SEMA3D: variants seen among roughly 807,000 people sequenced by gnomAD.
SEMA3D encodes the protein semaphorin-3D.
Under a neutral mutation model 100.1 loss-of-function variants are expected in SEMA3D, and 84 were observed. The ratio of observed to expected loss-of-function variants is 0.84; its 90% CI spans 0.70 to 1.01. The LOEUF (loss-of-function observed/expected upper bound fraction) is 1.01. Ranked by LOEUF, SEMA3D falls within the 50% of genes least tolerant of loss-of-function variation. The probability of loss-of-function intolerance (pLI) is 0.00; values close to 1 mark genes in which losing one functional copy is unlikely to be tolerated. For missense variants in SEMA3D, 875 were observed against 934.1 expected (o/e 0.94, Z 0.82); for synonymous variants, 312 against 320.7 (o/e 0.97, Z 0.29).
At chr7:85,150,667 C>T (rs1161782038) in intron 2 of SEMA3D, among the ~76,000 whole-genome samples, 1 of 151,696 alleles carries the variant, frequency 6.6e-6, no homozygotes, top group East Asian at 1.9e-4. Context: ...CTCCTTTACT[C>T]TTCAGTATCT....
At chr7:85,125,490 T>G (rs1789541997) in intron 2 of SEMA3D, among the ~76,000 whole-genome samples, 1 of 152,094 alleles carries the variant, frequency 6.6e-6, no homozygotes, top group African/African-American at 2.4e-5. Context: ...AAGTTAAAAA[T>G]CAAAGCCCTG....
rs762600039 is a variant in SEMA3D, at chr7:84,999,627, T to C, written c.2147A>G (p.Tyr716Cys). The C allele has an allele frequency of 1.5e-5, 25 of 1,613,988 alleles. No homozygotes were observed. The highest frequency in any genetic ancestry group is 1.3e-4 in the Admixed American group (8 of 59,952). ...GTTTGGGCTGCTAAGGATTTGGATG[T>C]AGTCTTTGTATCTCAACCGTGACTC... ...LAESRLRYKD[Y>C]IQILSSPNFS... The change falls in exon 19 of 19, where the codon TAC (tyrosine) becomes TGC (cysteine). Residue 716 changes from tyrosine (Y) to cysteine (C), a missense_variant. Tyr to Cys is a radical substitution (Grantham distance 194). Coordinates refer to ENST00000284136, the MANE Select transcript of SEMA3D (RefSeq NM_001384900.1).
At chr7:85,207,838 T>C in the SEMA3D span, among the ~76,000 whole-genome samples, 1 of 152,178 alleles carries the variant, frequency 6.6e-6, no homozygotes, top group South Asian at 2.1e-4. Flanking sequence ...CTTCAAGTTA[T>C]AGAGCTTACA....
At chr7:85,033,455 C>T (rs1790601081) in intron 12 of SEMA3D, among the ~76,000 whole-genome samples, 1 of 152,076 alleles carries the variant, frequency 6.6e-6, no homozygotes. Flanking sequence ...CGGTGACAAC[C>T]ACCACTTGTA....
chr7:85,184,408 T>A (rs985119982), intron 1 of SEMA3D, among the ~76,000 whole-genome samples: 1 of 150,948 alleles, frequency 6.6e-6, no homozygotes, highest in Non-Finnish European at 1.5e-5. Context: ...AGCAATACAA[T>A]TTTTTTTTAA....
upstream of SEMA3D, among the ~76,000 whole-genome samples, chr7:85,189,808 A>G (rs552262401): frequency 1.9e-4 from 29 of 152,320 alleles, no homozygotes; most frequent in African/African-American, 6.7e-4. Flanking sequence ...CAAATATAAT[A>G]TGAGTAAGTA....
At chr7:85,151,286 C>T (rs1790377201) in intron 2 of SEMA3D, among the ~76,000 whole-genome samples, 2 of 151,964 alleles carry the variant, frequency 1.3e-5, no homozygotes, top group African/African-American at 4.8e-5. Context: ...CTTGTATAGT[C>T]TGTCCTCATT....
chr7:85,014,922 T>G, intron 16 of SEMA3D, 137 bp downstream of exon 16: 1 of 570,858 alleles, frequency 1.8e-6, no homozygotes, highest in Non-Finnish European at 2.8e-6. Flanking sequence ...AAAACAACAT[T>G]TTGATTTTAA....
chr7:85,184,618 T>C (rs778524269), intron 1 of SEMA3D, among the ~76,000 whole-genome samples: 7 of 152,210 alleles, frequency 4.6e-5, no homozygotes, highest in Non-Finnish European at 1.0e-4. Context: ...TTGATAAATG[T>C]TTCTTCCCTT....
At position 85,068,352 on chromosome 7, in the gene SEMA3D, T is replaced by C. The variant is rs1188481050; in HGVS notation, c.496-68A>G. On this transcript the variant is annotated intron_variant, in intron 6 of 18. Transcript: ENST00000284136. ...TTACAAACAGTAAGAATGTGGGAGATACAAACTAAATTCCAACTCATGAAT... is the reference window on the plus strand; with the variant it reads ...TTACAAACAGTAAGAATGTGGGAGACACAAACTAAATTCCAACTCATGAAT... 9.5e-6 allele frequency: 8 copies of C among 839,938 alleles called. No individual in the cohort carries two copies. The East Asian group carries it at 2.0e-4, about 21-fold the overall frequency. 52.0% of individuals were successfully genotyped at this position (839,938 alleles called of 1,614,324 possible).
rs1213766425 is a variant in SEMA3D at position 84,998,738 on chromosome 7, T to A, written c.*702A>T. ...TTCTGTCCCTGTAGAGCTTAGTATA[T>A]ACTCTAAAAAACACATAACTAAGCA... is the stretch of plus-strand genomic sequence containing the variant. On this transcript the variant is annotated 3_prime_UTR_variant, in exon 19 of 19. Coordinates refer to ENST00000284136, the MANE Select transcript of SEMA3D (RefSeq NM_001384900.1). The A allele has an allele frequency of 6.6e-6, 1 of 152,266 alleles. No homozygotes were observed. The highest frequency in any genetic ancestry group is 1.5e-5 in the Non-Finnish European group (1 of 68,108). 9.4% of individuals were successfully genotyped at this position (152,266 alleles called of 1,614,324 possible).
At chr7:85,039,527 G>C (rs1266346331) in intron 11 of SEMA3D, among the ~76,000 whole-genome samples, 1 of 152,154 alleles carries the variant, frequency 6.6e-6, no homozygotes, top group Non-Finnish European at 1.5e-5. Context: ...CCAAAGTACT[G>C]GGATTTACAG....
intron 1 of SEMA3D, among the ~76,000 whole-genome samples, chr7:85,176,017 CATT>C (rs1482107568): frequency 6.6e-6 from 1 of 151,720 alleles, no homozygotes; most frequent in East Asian, 1.9e-4. Context: ...CTAGTACTCT[CATT>C]ATGATTAAGT....
rs1043670138 is a variant in SEMA3D, at chr7:85,069,067, C to G, written c.496-783G>C. Among the ~76,000 whole-genome samples, 7 of 152,198 alleles carry G rather than the reference C, an allele frequency of 4.6e-5. No individual in the cohort carries two copies. In the East Asian group the frequency reaches 1.2e-3, roughly 25 times the overall value. On this transcript the variant is annotated intron_variant, in intron 6 of 18. Transcript: ENST00000284136. ...TGAGTGTTTCATAACAATGACAACA[C>G]TACCATCCAGCAGAAAGGATGATGA...
chr7:85,148,548 A>G (rs1248656185), intron 2 of SEMA3D, among the ~76,000 whole-genome samples: 1 of 152,220 alleles, frequency 6.6e-6, no homozygotes, highest in African/African-American at 2.4e-5. Context: ...TAACTGGGTT[A>G]CTGAAACACA....
At chr7:85,218,195 A>G in the SEMA3D span, among the ~76,000 whole-genome samples, 1 of 152,072 alleles carries the variant, frequency 6.6e-6, no homozygotes, top group Non-Finnish European at 1.5e-5. Flanking sequence ...CTTTAATTGG[A>G]TAAAAAAGGC....
At chr7:85,022,181 G>T (rs1453513689) in intron 13 of SEMA3D, among the ~76,000 whole-genome samples, 3 of 151,836 alleles carry the variant, frequency 2.0e-5, no homozygotes, top group Non-Finnish European at 4.4e-5. Context: ...ACACATTGCT[G>T]TCAAATACAT....
At chr7:85,078,552 C>T (rs958707183) in intron 5 of SEMA3D, among the ~76,000 whole-genome samples, 1 of 152,110 alleles carries the variant, frequency 6.6e-6, no homozygotes, top group African/African-American at 2.4e-5. Flanking sequence ...GAACTAAAGA[C>T]ATTTCTTTAG....
intron 1 of SEMA3D, among the ~76,000 whole-genome samples, chr7:85,180,224 T>A (rs1285209842): frequency 1.3e-5 from 2 of 152,116 alleles, no homozygotes; most frequent in Non-Finnish European, 2.9e-5. Flanking sequence ...TGATAGTGAG[T>A]GAGTTCTCAC....
Sources: allele counts gnomAD v4.1 joint callset (sites outside exome capture counted in the v4.1 genomes callset), GRCh38; gene constraint gnomAD v4.1.1; transcripts MANE v1.5; gene names NCBI Gene and HGNC (gene_info 2026-07-23, HGNC 2026-07-21).